The following SLC9A8 variants were observed in gnomAD, a reference collection of about 807,000 sequenced individuals.
The protein encoded by SLC9A8 is sodium/hydrogen exchanger 8.
In SLC9A8, 48 loss-of-function variants were observed where a neutral mutation model predicts 66.6. That is an observed-to-expected ratio of 0.72 (90% CI 0.57 to 0.92). The LOEUF (loss-of-function observed/expected upper bound fraction) is 0.92, where lower values mean the gene tolerates loss of function less well. SLC9A8 is among the 40% of genes least tolerant of loss of function. SLC9A8 has a pLI of 0.00. For synonymous variants in SLC9A8, 274 were observed against 282.6 expected (o/e 0.97, Z 0.31); for missense variants, 599 against 747.3 (o/e 0.80, Z 2.31).
intron 4 of SLC9A8, among the ~76,000 whole-genome samples, chr20:49,841,383 G>A (rs572157023): frequency 1.3e-5 from 2 of 151,598 alleles, no homozygotes; most frequent in Non-Finnish European, 2.9e-5. Context: ...AGAGTGAGAA[G>A]TAGGATTCCT....
rs1396461882 is a variant in SLC9A8 at position 49,812,891 on chromosome 20, T to G, written c.-32T>G. 2.5e-5 allele frequency: 38 copies of G among 1,494,478 alleles called. No homozygotes were observed. The highest frequency in any genetic ancestry group is 3.3e-5 in the Non-Finnish European group (37 of 1,123,546). 92.6% of individuals were successfully genotyped at this position (1,494,478 alleles called of 1,614,324 possible). On this transcript the variant is annotated 5_prime_UTR_variant, in exon 1 of 16. Transcript: ENST00000361573. ...AAGCGGGTCCTGCTAGCCCCGCGGCTCCGAACTCGGTGGTCCTGGAAGCTC... is the reference window on the plus strand; with the variant it reads ...AAGCGGGTCCTGCTAGCCCCGCGGCGCCGAACTCGGTGGTCCTGGAAGCTC...
At chr20:49,836,590 G>T (rs1600686335) in intron 3 of SLC9A8, among the ~76,000 whole-genome samples, 1 of 152,134 alleles carries the variant, frequency 6.6e-6, no homozygotes, top group Non-Finnish European at 1.5e-5. Context: ...GCCTCCCAAA[G>T]TGCTGGGATT....
chr20:49,823,010 T>A, intron 2 of SLC9A8, 51 bp from the exon 3 acceptor site: 1 of 1,461,182 alleles, frequency 6.8e-7, no homozygotes, highest in Non-Finnish European at 9.6e-7. Context: ...GTGTTTATCA[T>A]TCAGAATTGA....
intron 3 of SLC9A8, among the ~76,000 whole-genome samples, chr20:49,825,134 G>A (rs182383331): frequency 6.6e-6 from 1 of 152,196 alleles, no homozygotes; most frequent in East Asian, 1.9e-4. Flanking sequence ...TTGCTTTGTT[G>A]AGTTGATAGC....
intron 3 of SLC9A8, among the ~76,000 whole-genome samples, chr20:49,836,095 C>G (rs547623032): frequency 1.1e-4 from 17 of 152,310 alleles, no homozygotes; most frequent in Non-Finnish European, 2.4e-4. Flanking sequence ...GCTCTCCTCC[C>G]TGTCCCTGGG....
intron 10 of SLC9A8, among the ~76,000 whole-genome samples, chr20:49,873,811 C>T (rs1278907882): frequency 2.0e-5 from 3 of 151,218 alleles, no homozygotes; most frequent in Non-Finnish European, 4.4e-5. Flanking sequence ...CACACATTCT[C>T]CATACACAGA....
intron 8 of SLC9A8, among the ~76,000 whole-genome samples, chr20:49,859,786 CTTTTG>C (rs1392870711): frequency 5.9e-5 from 9 of 152,098 alleles, no homozygotes; most frequent in Non-Finnish European, 1.2e-4. Flanking sequence ...TAGAGGAAAC[CTTTTG>C]TTTTCTCCAG....
chr20:49,842,798 A>G (rs1187271989), intron 4 of SLC9A8, among the ~76,000 whole-genome samples: 1 of 152,236 alleles, frequency 6.6e-6, no homozygotes, highest in East Asian at 1.9e-4. Flanking sequence ...TTTTCTCACA[A>G]TTCTGGAGGC....
chr20:49,876,770 C>A (rs930988346), intron 11 of SLC9A8, among the ~76,000 whole-genome samples: 5 of 152,138 alleles, frequency 3.3e-5, no homozygotes, highest in Non-Finnish European at 7.3e-5. Context: ...TATCCAGATC[C>A]TGGAGTTGAT....
At chr20:49,822,948 A>G (rs978353265) in intron 2 of SLC9A8, 113 bp from the exon 3 acceptor site, 13 of 803,406 alleles carry the variant, frequency 1.6e-5, no homozygotes, top group Non-Finnish European at 2.4e-5. Flanking sequence ...TGTTATTCCA[A>G]TTGTCCATTT....
chr20:49,875,680 C>G (rs1251585867), intron 11 of SLC9A8, among the ~76,000 whole-genome samples: 1 of 152,078 alleles, frequency 6.6e-6, no homozygotes, highest in Admixed American at 6.6e-5. Context: ...TAAGCTGGCC[C>G]CCAAGTGACT....
At chr20:49,832,911 C>CTT (rs941773714) in intron 3 of SLC9A8, among the ~76,000 whole-genome samples, 2 of 144,894 alleles carry the variant, frequency 1.4e-5, no homozygotes, top group Admixed American at 1.4e-4. Flanking sequence ...AAATCCTTTC[C>CTT]TTTTTTTTTT....
chr20:49,814,866 A>G (rs554670249), intron 1 of SLC9A8, 142 bp from the exon 2 acceptor site: 16 of 574,064 alleles, frequency 2.8e-5, no homozygotes, highest in Non-Finnish European at 3.4e-5. Flanking sequence ...TTTTCTTAGT[A>G]AGTTTCTCTC....
At position 49,839,589 on chromosome 20, in the gene SLC9A8, C is replaced by T. The variant is rs199937564; in HGVS notation, c.338C>T (p.Ala113Val). 1.5e-4 allele frequency: 240 copies of T among 1,597,582 alleles called. 2 individuals carry two copies. The highest frequency in any genetic ancestry group is 1.5e-4 in the Non-Finnish European group (170 of 1,167,584). The stretch of plus-strand genomic sequence containing the variant: ...AAAATTATAGAGTTTAAAAAACTGG[C>T]GAATTGGAAGGTAGGTTTGCCCTTT... ...VIKIIEFKKL[A>V]NWKEEEMFRP... Residue 113 changes from alanine to valine, a missense_variant, in exon 4 of 16, where the codon GCG becomes GTG. Transcript: ENST00000361573.
chr20:49,874,950 C>T (rs1234596501), intron 11 of SLC9A8, 129 bp downstream of exon 11: 1 of 698,444 alleles, frequency 1.4e-6, no homozygotes, highest in East Asian at 2.5e-5. Flanking sequence ...CCAGATCCCT[C>T]ACTCCCTTAT....
intron 4 of SLC9A8, among the ~76,000 whole-genome samples, chr20:49,842,494 T>C: frequency 6.6e-6 from 1 of 152,184 alleles, no homozygotes; most frequent in East Asian, 1.9e-4. Flanking sequence ...CTGCTCTCTG[T>C]CAAGGGAGAT....
chr20:49,839,449 G>A (rs1011946902), intron 3 of SLC9A8, 92 bp from the exon 4 acceptor site: 12 of 810,160 alleles, frequency 1.5e-5, no homozygotes, highest in South Asian at 7.0e-5. Flanking sequence ...GGCACATGTC[G>A]TCAGGACCTC....
chr20:49,845,516 G>A (rs141617045), intron 5 of SLC9A8, among the ~76,000 whole-genome samples: 364 of 152,236 alleles, frequency 2.4e-3, no homozygotes, highest in Middle Eastern at 0.02. Flanking sequence ...GTTTCTTTCA[G>A]CTCCCCCACT....
In SLC9A8 at chr20:49,891,511, T is replaced by G. The variant is rs1233625805; in HGVS notation, c.*3575T>G. 2 of 152,222 alleles carry G rather than the reference T, an allele frequency of 1.3e-5. No individual in the cohort carries two copies. The highest frequency in any genetic ancestry group is 2.9e-5 in the Non-Finnish European group (2 of 68,074). 9.4% of individuals were successfully genotyped at this position (152,222 alleles called of 1,614,324 possible). On this transcript the variant is annotated 3_prime_UTR_variant, in exon 16 of 16. Transcript: ENST00000361573. Reference sequence around the variant, plus strand: ...TGAGGGGCTTCACTGTTACCAGGCATGTAACAGAAGGAGGAAGACTAACAC... The same window carrying G: ...TGAGGGGCTTCACTGTTACCAGGCAGGTAACAGAAGGAGGAAGACTAACAC...
Sources: gnomAD v4.1 joint callset for allele counts (sites outside exome capture counted in the v4.1 genomes callset) on GRCh38, gnomAD v4.1.1 for gene constraint, MANE v1.5 for transcripts, NCBI Gene and HGNC (gene_info 2026-07-23, HGNC 2026-07-21) for gene names.